Variants in PALM2AKAP2 observed in about 807,000 individuals in gnomAD.
PALM2AKAP2 encodes the protein PALM2-AKAP2 fusion protein.
A neutral mutation model predicts 71.5 loss-of-function variants in PALM2AKAP2; 37 were observed. The observed-to-expected ratio is 0.52, with a 90% CI of 0.40 to 0.68. The LOEUF (loss-of-function observed/expected upper bound fraction) is 0.68. Among genes scored for constraint, PALM2AKAP2 ranks in the 30% least tolerant of loss-of-function variants. The probability of loss-of-function intolerance (pLI) is 0.00; values close to 1 mark genes in which losing one functional copy is unlikely to be tolerated. For missense variants in PALM2AKAP2, 1,224 were observed against 1,191.8 expected, an observed-to-expected ratio of 1.03 and a Z score of -0.40; for synonymous variants, 468 against 478.8, an observed-to-expected ratio of 0.98 and a Z score of 0.29.
At chr9:109,920,900 T>C (rs1830814692) in intron 3 of PALM2AKAP2, among the ~76,000 whole-genome samples, 1 of 152,178 alleles carries the variant, frequency 6.6e-6, no homozygotes, top group South Asian at 2.1e-4. Flanking sequence ...CCTCTACTCA[T>C]TGAATTAATT....
chr9:109,889,657 G>C (rs4978854), intron 3 of PALM2AKAP2, among the ~76,000 whole-genome samples: 127,403 of 152,182 alleles, frequency 0.84, 53,676 homozygotes, highest in African/African-American at 0.93. Context: ...AAATTGCAGT[G>C]CAGCATTTCA....
intron 1 of PALM2AKAP2, chr9:110,090,545 G>T: frequency 2.4e-6 from 1 of 408,768 alleles, no homozygotes; most frequent in Non-Finnish European, 5.0e-6. Flanking sequence ...TGAACTCAAG[G>T]CATTGAGTCA....
At chr9:109,817,731 G>A (rs946974985) in intron 1 of PALM2AKAP2, among the ~76,000 whole-genome samples, 2 of 152,210 alleles carry the variant, frequency 1.3e-5, no homozygotes, top group African/African-American at 2.4e-5. Context: ...CAGCGAGGAA[G>A]GTAGCACAGC....
chr9:109,898,449 T>TTTA (rs2051507505), intron 3 of PALM2AKAP2, among the ~76,000 whole-genome samples: 1 of 152,236 alleles, frequency 6.6e-6, no homozygotes, highest in Admixed American at 6.5e-5. Flanking sequence ...TGCTTCTTAT[T>TTTA]TTATATATGT....
chr9:110,160,211 A>G (rs550129291), intron 3 of PALM2AKAP2, among the ~76,000 whole-genome samples: 3 of 152,336 alleles, frequency 2.0e-5, no homozygotes, highest in African/African-American at 7.2e-5. Context: ...GGGGTAGAGT[A>G]GGGGACTGGG....
chr9:109,674,618 T>A (rs1827622939), intron 1 of PALM2AKAP2, among the ~76,000 whole-genome samples: 1 of 152,004 alleles, frequency 6.6e-6, no homozygotes, highest in Non-Finnish European at 1.5e-5. Flanking sequence ...TAATGGGAAG[T>A]CCAAGGTGTT....
intron 7 of PALM2AKAP2, among the ~76,000 whole-genome samples, chr9:110,035,799 G>A (rs367808442): frequency 0.035 from 4,512 of 128,802 alleles, 354 homozygotes; most frequent in African/African-American, 0.053. Flanking sequence ...GATATGTTGT[G>A]TGTTATATGT....
intron 1 of PALM2AKAP2, among the ~76,000 whole-genome samples, chr9:109,853,758 TA>T (rs1306237215): frequency 6.6e-6 from 1 of 152,216 alleles, no homozygotes; most frequent in Non-Finnish European, 1.5e-5. Context: ...CAGCAGGGAA[TA>T]AAAAGTCAGT....
At chr9:109,862,027 C>T (rs75346427) in intron 1 of PALM2AKAP2, among the ~76,000 whole-genome samples, 1,939 of 152,226 alleles carry the variant, frequency 0.013, 41 homozygotes, top group African/African-American at 0.044. Context: ...GATGTGTCAG[C>T]CAAGATCCTT....
intron 6 of PALM2AKAP2, among the ~76,000 whole-genome samples, chr9:109,936,450 C>T (rs1831219729): frequency 6.6e-6 from 1 of 152,138 alleles, no homozygotes; most frequent in African/African-American, 2.4e-5. Flanking sequence ...ACATTTCCAG[C>T]CCAAAGATAA....
intron 1 of PALM2AKAP2, among the ~76,000 whole-genome samples, chr9:109,784,279 C>T (rs182166691): frequency 6.6e-6 from 1 of 152,314 alleles, no homozygotes; most frequent in African/African-American, 2.4e-5. Context: ...TAGAAAAGCA[C>T]ATAAGCAGTT....
In PALM2AKAP2 at chr9:110,111,768, G is replaced by T. The variant is rs1471256264; in HGVS notation, c.157-24359G>T. On this transcript the variant is annotated intron_variant, in intron 1 of 3. Transcript: ENST00000374525. Reference sequence around the variant, plus strand: ...CAGAAAAACTAAAGGAAAAAAAATGGAAGGATGAACATTTTAAAATACAAC... The same window carrying T: ...CAGAAAAACTAAAGGAAAAAAAATGTAAGGATGAACATTTTAAAATACAAC... Among the ~76,000 whole-genome samples the T allele has an allele frequency of 2.0e-5, 3 of 152,046 alleles. No individual in the cohort carries two copies. In the East Asian group the frequency reaches 5.8e-4, roughly 29 times the overall value.
chr9:109,687,090 A>G (rs1827817184), intron 1 of PALM2AKAP2, among the ~76,000 whole-genome samples: 1 of 152,126 alleles, frequency 6.6e-6, no homozygotes, highest in Non-Finnish European at 1.5e-5. Context: ...TTGGTCATTT[A>G]GGCTGGTTCC....
At chr9:109,910,172 G>A (rs145847592) in intron 3 of PALM2AKAP2, among the ~76,000 whole-genome samples, 1 of 152,346 alleles carries the variant, frequency 6.6e-6, no homozygotes, top group Admixed American at 6.5e-5. Flanking sequence ...GATAGTAAGC[G>A]AGGGTCAAGC....
chr9:109,937,230 C>T (rs1462184591), intron 6 of PALM2AKAP2, among the ~76,000 whole-genome samples: 1 of 152,158 alleles, frequency 6.6e-6, no homozygotes, highest in Non-Finnish European at 1.5e-5. Flanking sequence ...CTTCTCTGCT[C>T]AAAACTACCA....
chr9:109,695,124 T>C (rs1356247186), intron 1 of PALM2AKAP2, among the ~76,000 whole-genome samples: 1 of 152,188 alleles, frequency 6.6e-6, no homozygotes, highest in African/African-American at 2.4e-5. Context: ...TTGGAGACTT[T>C]GGAAACATGA....
At chr9:110,004,632 C>T (rs1284617545) in intron 6 of PALM2AKAP2, among the ~76,000 whole-genome samples, 4 of 152,190 alleles carry the variant, frequency 2.6e-5, no homozygotes, top group Non-Finnish European at 5.9e-5. Context: ...TGTTTTCAAA[C>T]TTGGTTCCAT....
chr9:109,887,750 G>T (rs564375917), intron 3 of PALM2AKAP2, among the ~76,000 whole-genome samples: 2 of 152,242 alleles, frequency 1.3e-5, no homozygotes, highest in South Asian at 4.2e-4. Flanking sequence ...TTAAAAAAGT[G>T]AAAGAGCAAG....
chr9:109,711,996 T>C (rs1564121754), intron 1 of PALM2AKAP2, among the ~76,000 whole-genome samples: 1 of 70,114 alleles, frequency 1.4e-5, no homozygotes, highest in Non-Finnish European at 3.1e-5. Context: ...TGAGTGCTTG[T>C]GTGTGTGTGT....
Sources: allele counts gnomAD v4.1 joint callset (sites outside exome capture counted in the v4.1 genomes callset), GRCh38; gene constraint gnomAD v4.1.1; transcripts MANE v1.5; gene names NCBI Gene and HGNC (gene_info 2026-07-23, HGNC 2026-07-21).